PRKCE: variants seen among roughly 807,000 people sequenced by gnomAD.
PRKCE encodes protein kinase C epsilon type.
PRKCE carries 16 observed loss-of-function variants against 85.4 expected under a neutral mutation model. That is an observed-to-expected ratio of 0.19 (90% CI 0.13 to 0.28). PRKCE has a LOEUF of 0.28. PRKCE is among the 10% of genes least tolerant of loss of function. The probability of loss-of-function intolerance (pLI) is 1.00; values close to 1 mark genes in which losing one functional copy is unlikely to be tolerated. For missense variants in PRKCE, 573 were observed against 975.2 expected (o/e 0.59, Z 5.49); for synonymous variants, 388 against 371.5 (o/e 1.04, Z -0.51).
chr2:46,003,441 T>G (rs1704880675), intron 7 of PRKCE, among the ~76,000 whole-genome samples: 1 of 152,240 alleles, frequency 6.6e-6, no homozygotes, highest in Non-Finnish European at 1.5e-5. Flanking sequence ...CTATTAAAAT[T>G]TACCAACAAA....
chr2:46,017,489 A>G (rs771887106), intron 10 of PRKCE, among the ~76,000 whole-genome samples: 1 of 152,338 alleles, frequency 6.6e-6, no homozygotes, highest in Non-Finnish European at 1.5e-5. Flanking sequence ...TTTGGCTACT[A>G]TGAATAATGC....
intron 10 of PRKCE, among the ~76,000 whole-genome samples, chr2:46,083,174 C>T (rs549199991): frequency 2.0e-4 from 30 of 152,244 alleles, no homozygotes; most frequent in Non-Finnish European, 3.5e-4. Context: ...TGATCTCGAT[C>T]TCCTGGCCTC....
intron 1 of PRKCE, among the ~76,000 whole-genome samples, chr2:45,745,130 G>A (rs564741298): frequency 1.3e-5 from 2 of 152,260 alleles, no homozygotes; most frequent in African/African-American, 4.8e-5. Flanking sequence ...GTTTTCTGGG[G>A]ACTCTGAGAT....
intron 10 of PRKCE, among the ~76,000 whole-genome samples, chr2:46,024,227 G>A (rs989398047): frequency 6.6e-6 from 1 of 152,176 alleles, no homozygotes; most frequent in Non-Finnish European, 1.5e-5. Context: ...TTCTTTAAGG[G>A]TGGTATTCCA....
intron 2 of PRKCE, among the ~76,000 whole-genome samples, chr2:45,959,230 A>G (rs1292725114): frequency 6.6e-6 from 1 of 152,142 alleles, no homozygotes; most frequent in Non-Finnish European, 1.5e-5. Context: ...CCAAGGAATT[A>G]TTTGTGCCAG....
chr2:46,049,145 A>G lies in PRKCE; in HGVS notation c.1438-37063A>G, dbSNP rs569155973. Among the ~76,000 whole-genome samples the G allele has an allele frequency of 4.6e-5, 7 of 152,196 alleles. No homozygotes were observed. In the South Asian group the frequency reaches 1.5e-3, roughly 32 times the overall value. ...ACAAGGTCTGTCTTTCCCCTTCTTG[A>G]CTGAGCTTGGGGCAAGATTGTCCGG... On this transcript the variant is annotated intron_variant, in intron 10 of 14. Transcript: ENST00000306156.
intron 2 of PRKCE, among the ~76,000 whole-genome samples, chr2:45,848,551 C>T (rs1691986334): frequency 1.3e-5 from 2 of 152,182 alleles, no homozygotes; most frequent in South Asian, 4.1e-4. Flanking sequence ...CTTCATGTGA[C>T]CCACCCACCT....
intron 10 of PRKCE, among the ~76,000 whole-genome samples, chr2:46,061,859 CTTT>C (rs10695600): frequency 0.019 from 2,027 of 107,666 alleles, 26 homozygotes; most frequent in South Asian, 0.067. Context: ...TTTTCTTTTT[CTTT>C]TTTTTTTTTT....
intron 1 of PRKCE, among the ~76,000 whole-genome samples, chr2:45,775,295 TG>T (rs2104949192): frequency 6.6e-6 from 1 of 152,272 alleles, no homozygotes; most frequent in East Asian, 1.9e-4. Flanking sequence ...TCCGTGAGTG[TG>T]CCCCGTGTGC....
At chr2:45,667,298 G>GCA (rs1406992611) in intron 1 of PRKCE, among the ~76,000 whole-genome samples, 1 of 152,070 alleles carries the variant, frequency 6.6e-6, no homozygotes, top group Non-Finnish European at 1.5e-5. Context: ...GTAACAGGTT[G>GCA]AGACTCTGTC....
intron 10 of PRKCE, among the ~76,000 whole-genome samples, chr2:46,011,922 T>C (rs1705713366): frequency 6.6e-6 from 1 of 152,230 alleles, no homozygotes; most frequent in Non-Finnish European, 1.5e-5. Context: ...TCTTTCAAGA[T>C]GGACACATAT....
At chr2:45,859,673 C>T (rs1163523772) in intron 2 of PRKCE, among the ~76,000 whole-genome samples, 2 of 152,154 alleles carry the variant, frequency 1.3e-5, no homozygotes, top group African/African-American at 2.4e-5. Flanking sequence ...GCTTCAGAGG[C>T]AGTCATGTAT....
At position 46,006,959 on chromosome 2, in the gene PRKCE, G is replaced by C. The variant is rs1705257403; in HGVS notation, c.1064-503G>C. Among the ~76,000 whole-genome samples the C allele has an allele frequency of 2.0e-5, 3 of 152,204 alleles. No individual in the cohort carries two copies. The South Asian group carries it at 6.2e-4, about 32-fold the overall frequency. The stretch of plus-strand genomic sequence containing the variant: ...AAGGCTGAGTAAAGGTTTTTAGAAG[G>C]TATGAAGGTTTCTACCTTCAGTGAT... On this transcript the variant is annotated intron_variant, in intron 8 of 14. Coordinates refer to ENST00000306156, the MANE Select transcript of PRKCE (RefSeq NM_005400.3).
intron 2 of PRKCE, among the ~76,000 whole-genome samples, chr2:45,937,495 G>A (rs1025242157): frequency 1.5e-4 from 23 of 152,192 alleles, no homozygotes; most frequent in African/African-American, 5.1e-4. Flanking sequence ...CGCGGATCAC[G>A]AGGTCAGGAG....
At chr2:45,791,644 T>C (rs1464589454) in intron 1 of PRKCE, among the ~76,000 whole-genome samples, 3 of 152,216 alleles carry the variant, frequency 2.0e-5, no homozygotes, top group African/African-American at 7.2e-5. Context: ...TTCTGATAGC[T>C]TATTTCACTC....
chr2:46,116,880 A>C (rs995772807), intron 11 of PRKCE, among the ~76,000 whole-genome samples: 2 of 152,176 alleles, frequency 1.3e-5, no homozygotes, highest in African/African-American at 4.8e-5. Flanking sequence ...GGGGAAAAAA[A>C]ACCGGAGAGC....
At chr2:45,665,245 C>G (rs1324821996) in intron 1 of PRKCE, among the ~76,000 whole-genome samples, 1 of 152,174 alleles carries the variant, frequency 6.6e-6, no homozygotes, top group African/African-American at 2.4e-5. Flanking sequence ...TTCTTCTTTG[C>G]AACCATAGAA....
chr2:45,913,481 C>A (rs1048348930), intron 2 of PRKCE, among the ~76,000 whole-genome samples: 1 of 152,180 alleles, frequency 6.6e-6, no homozygotes, highest in Non-Finnish European at 1.5e-5. Context: ...GTACAGACTC[C>A]CTGCTCAGTG....
intron 1 of PRKCE, among the ~76,000 whole-genome samples, chr2:45,747,774 C>A (rs1683253530): frequency 6.6e-6 from 1 of 152,054 alleles, no homozygotes; most frequent in Non-Finnish European, 1.5e-5. Context: ...TTTAAGAAAC[C>A]CTCTTACTGT....
Sources: allele counts gnomAD v4.1 joint callset (sites outside exome capture counted in the v4.1 genomes callset), GRCh38; gene constraint gnomAD v4.1.1; transcripts MANE v1.5; gene names NCBI Gene and HGNC (gene_info 2026-07-23, HGNC 2026-07-21).